TNFAIP8: variants seen among roughly 807,000 people sequenced by gnomAD.
TNFAIP8 encodes the protein tumor necrosis factor alpha-induced protein 8.
In TNFAIP8, 7 loss-of-function variants were observed where a neutral mutation model predicts 13.3. The ratio of observed to expected loss-of-function variants is 0.52; its 90% CI spans 0.30 to 0.99. TNFAIP8 has a LOEUF of 0.99. TNFAIP8 is among the 50% of genes least tolerant of loss of function. The pLI, the probability that TNFAIP8 is intolerant of heterozygous loss-of-function variation, is 0.07. For synonymous variants in TNFAIP8, 94 were observed against 87.6 expected (o/e 1.07, Z -0.41); for missense variants, 258 against 236.9 (o/e 1.09, Z -0.58).
intron 1 of TNFAIP8, among the ~76,000 whole-genome samples, chr5:119,285,838 A>T (rs549349070): frequency 6.6e-6 from 1 of 152,306 alleles, no homozygotes; most frequent in East Asian, 1.9e-4. Flanking sequence ...AACACTGTGC[A>T]GCTTTAGAAC....
chr5:119,332,843 C>T (rs6869017), intron 1 of TNFAIP8, among the ~76,000 whole-genome samples: 1 of 152,076 alleles, frequency 6.6e-6, no homozygotes, highest in Admixed American at 6.5e-5. Flanking sequence ...TGTATGTGTA[C>T]ATGTGTGTAT....
At chr5:119,287,775 G>T (rs975129680) in intron 1 of TNFAIP8, among the ~76,000 whole-genome samples, 9 of 152,146 alleles carry the variant, frequency 5.9e-5, no homozygotes, top group Non-Finnish European at 2.9e-5. Flanking sequence ...TCACTTAAGG[G>T]ATTATTTTAG....
In TNFAIP8 at chr5:119,393,408, C is replaced by G; in HGVS notation, c.*27C>G. ...CACATGAGTTAAGATTGTGACTGAT[C>G]ATGATTTATTTGAAGATGGAGCACT... On this transcript the variant is annotated 3_prime_UTR_variant, in exon 2 of 2. Coordinates refer to ENST00000504771, the MANE Select transcript of TNFAIP8 (RefSeq NM_014350.4). 2 of 1,575,018 alleles carry G rather than the reference C, an allele frequency of 1.3e-6. No homozygotes were observed. The highest frequency in any genetic ancestry group is 1.7e-6 in the Non-Finnish European group (2 of 1,154,768).
At chr5:119,334,060 C>T (rs1391525332) in intron 1 of TNFAIP8, among the ~76,000 whole-genome samples, 2 of 150,212 alleles carry the variant, frequency 1.3e-5, no homozygotes, top group Non-Finnish European at 2.9e-5. Context: ...TGGGGCAACC[C>T]GTAAACACAA....
upstream of TNFAIP8, among the ~76,000 whole-genome samples, chr5:119,351,785 T>C (rs1172749110): frequency 7.3e-6 from 1 of 136,804 alleles, no homozygotes; most frequent in Non-Finnish European, 1.5e-5. Context: ...TTCTTTTCTT[T>C]TTCTTTTTTT....
intron 1 of TNFAIP8, among the ~76,000 whole-genome samples, chr5:119,350,955 TG>T (rs1638246317): frequency 1.7e-5 from 1 of 58,518 alleles, no homozygotes; most frequent in Non-Finnish European, 4.5e-5. Context: ...TGTGTATTTG[TG>T]TGTGTGTGTG....
intron 1 of TNFAIP8, among the ~76,000 whole-genome samples, chr5:119,322,526 G>C (rs975130581): frequency 6.6e-6 from 1 of 152,182 alleles, no homozygotes; most frequent in Non-Finnish European, 1.5e-5. Context: ...GCAGCCTCTG[G>C]CATTTTAATG....
intron 1 of TNFAIP8, among the ~76,000 whole-genome samples, chr5:119,300,649 G>A (rs76588717): frequency 0.032 from 4,825 of 152,056 alleles, 266 homozygotes; most frequent in African/African-American, 0.11. Context: ...TTTTGTTCCC[G>A]TTTTGCAATG....
Position 119,395,286 on chromosome 5 carries a change from C to G in TNFAIP8, c.*1905C>G, listed in dbSNP as rs1244518831. 3 of 152,270 alleles carry G rather than the reference C, an allele frequency of 2.0e-5. No individual in the cohort carries two copies. The highest frequency in any genetic ancestry group is 4.4e-5 in the Non-Finnish European group (3 of 68,100). 9.4% of individuals were successfully genotyped at this position (152,270 alleles called of 1,614,324 possible). ...AATGGAATTCAGCAGCCTTCCTTGA[C>G]CAGCTGTTTTCCTCACATGTGAAGG... is the stretch of plus-strand genomic sequence containing the variant. On this transcript the variant is annotated 3_prime_UTR_variant, in exon 2 of 2. Transcript: ENST00000504771.
At chr5:119,343,685 C>T (rs1347742751) in intron 1 of TNFAIP8, among the ~76,000 whole-genome samples, 1 of 152,154 alleles carries the variant, frequency 6.6e-6, no homozygotes, top group Admixed American at 6.5e-5. Context: ...GCCTCAAAGA[C>T]AACTAACATC....
At position 119,356,117 on chromosome 5, in the gene TNFAIP8, G is replaced by A. The variant is rs2112773529; in HGVS notation, c.27G>A (p.Lys9=). The A allele has an allele frequency of 1.3e-6, 2 of 1,585,222 alleles. No individual in the cohort carries two copies. The highest frequency in any genetic ancestry group is 4.6e-5 in the East Asian group (2 of 43,208). Reference sequence around the variant, plus strand: ...TGCACTCCGAAGCAGAAGAATCCAAGGAAGGTAGGATTCTGGTTTCTCCTG... The same window carrying A: ...TGCACTCCGAAGCAGAAGAATCCAAAGAAGGTAGGATTCTGGTTTCTCCTG... MHSEAEES[K]EVATDVFNSK... The change falls in exon 1 of 2, where the codon AAG becomes AAA. Residue 9 remains lysine, a synonymous_variant. Transcript: ENST00000504771.
intron 1 of TNFAIP8, among the ~76,000 whole-genome samples, chr5:119,386,676 C>T (rs1007228883): frequency 5.9e-5 from 9 of 152,150 alleles, no homozygotes; most frequent in African/African-American, 1.4e-4. Context: ...TGTAATGGTG[C>T]CTGTCACTGG....
intron 1 of TNFAIP8, among the ~76,000 whole-genome samples, chr5:119,302,742 C>G (rs1044014629): frequency 3.9e-5 from 6 of 152,120 alleles, no homozygotes; most frequent in Admixed American, 3.3e-4. Flanking sequence ...GACCTAAGAT[C>G]GTTCACCTGC....
intron 1 of TNFAIP8, among the ~76,000 whole-genome samples, chr5:119,310,850 A>C (rs566893707): frequency 6.6e-6 from 1 of 151,698 alleles, no homozygotes. Flanking sequence ...CAATCAATCA[A>C]TACATTTCTC....
intron 1 of TNFAIP8, 47 bp downstream of exon 1, chr5:119,356,168 A>G: frequency 6.6e-7 from 1 of 1,512,430 alleles, no homozygotes; most frequent in South Asian, 1.2e-5. Context: ...CTGCGGAGGA[A>G]TTTGGAGGAA....
intron 1 of TNFAIP8, among the ~76,000 whole-genome samples, chr5:119,335,093 C>G (rs996752882): frequency 6.6e-6 from 1 of 152,044 alleles, no homozygotes; most frequent in Non-Finnish European, 1.5e-5. Flanking sequence ...CAGAGTGGCG[C>G]GTAGGAGCTT....
chr5:119,374,962 TAA>T (rs1234278864), intron 1 of TNFAIP8, among the ~76,000 whole-genome samples: 1 of 152,194 alleles, frequency 6.6e-6, no homozygotes, highest in East Asian at 1.9e-4. Context: ...TAGATAGTGG[TAA>T]TAGTTGCACA....
upstream of TNFAIP8, among the ~76,000 whole-genome samples, chr5:119,353,925 G>T (rs1046541773): frequency 6.6e-5 from 10 of 152,222 alleles, no homozygotes; most frequent in African/African-American, 2.4e-4. Flanking sequence ...ATCAGTGGAA[G>T]CTCTCTTGTG....
chr5:119,334,520 A>G (rs1750486620), intron 1 of TNFAIP8, among the ~76,000 whole-genome samples: 1 of 151,766 alleles, frequency 6.6e-6, no homozygotes, highest in African/African-American at 2.4e-5. Flanking sequence ...ATATTATTTC[A>G]TAGAGTCCTG....
Sources: allele counts gnomAD v4.1 joint callset (sites outside exome capture counted in the v4.1 genomes callset), GRCh38; gene constraint gnomAD v4.1.1; transcripts MANE v1.5; gene names NCBI Gene and HGNC (gene_info 2026-07-23, HGNC 2026-07-21).